PLAGL1: variants seen among roughly 807,000 people sequenced by gnomAD.
PLAGL1 encodes PLAG1 like zinc finger 1, also known as zinc finger protein PLAGL1.
Under a neutral mutation model 4.6 loss-of-function variants are expected in PLAGL1, and 1 was observed. The observed-to-expected ratio is 0.22, with a 90% confidence interval of 0.08 to 1.03. PLAGL1 has a LOEUF of 1.03. PLAGL1 is among the 50% of genes least tolerant of loss of function. The probability of loss-of-function intolerance (pLI) is 0.58; values close to 1 mark genes in which losing one functional copy is unlikely to be tolerated. For missense variants in PLAGL1, 464 were observed against 570.4 expected (o/e 0.81, Z 1.90); for synonymous variants, 240 against 237.8 (o/e 1.01, Z -0.08).
At chr6:144,019,137 C>T (rs1176084790) in intron 1 of PLAGL1, among the ~76,000 whole-genome samples, 3 of 152,136 alleles carry the variant, frequency 2.0e-5, no homozygotes, top group Non-Finnish European at 4.4e-5. Flanking sequence ...AACCACTAAA[C>T]TGAATGCAAT....
At chr6:144,047,097 T>A (rs1798215520) in intron 1 of PLAGL1, among the ~76,000 whole-genome samples, 1 of 152,184 alleles carries the variant, frequency 6.6e-6, no homozygotes, top group Admixed American at 6.5e-5. Context: ...CCAGGTACAG[T>A]CTGTCACAGC....
In PLAGL1 at chr6:143,970,639, G is replaced by T. The variant is rs746236684; in HGVS notation, c.-543-1661C>A. Among the ~76,000 whole-genome samples the T allele has an allele frequency of 6.6e-5, 10 of 152,076 alleles. No individual in the cohort carries two copies. The highest frequency in any genetic ancestry group is 1.5e-4 in the Non-Finnish European group (10 of 68,000). ...AAACTGTCTAAGAGGGAAATATCTG[G>T]TATTTTTCTACTAGGAAGTTAGCTT... On this transcript the variant is annotated intron_variant, in intron 2 of 7. Coordinates refer to ENST00000674357, the MANE Select transcript of PLAGL1 (RefSeq NM_001317162.2). This position sits in a 1 kb window ranked among gnomAD's most constrained non-coding sequence, Gnocchi z 5.8.
chr6:143,997,642 T>C lies in PLAGL1; in HGVS notation c.-584+10448A>G, dbSNP rs1791945803. Among the ~76,000 whole-genome samples, 1 of 152,148 alleles carries C rather than the reference T, an allele frequency of 6.6e-6. No homozygotes were observed. Among genetic ancestry groups the C allele is most frequent in the Non-Finnish European group, 1.5e-5 (1 of 68,020 alleles). ...GCTGTGAACTGTCATCCTGTCATCA[T>C]GCAATCACACTCCAGCCTGGGTGGC... On this transcript the variant is annotated intron_variant, in intron 1 of 7. Coordinates refer to ENST00000674357, the MANE Select transcript of PLAGL1 (RefSeq NM_001317162.2). This position sits in a 1 kb window ranked among gnomAD's most constrained non-coding sequence, Gnocchi z 4.6.
In PLAGL1 at chr6:144,039,597, C is replaced by T. The variant is rs1377071457; in HGVS notation, c.-151+24871G>A. Among the ~76,000 whole-genome samples, 1 of 151,888 alleles carries T rather than the reference C, an allele frequency of 6.6e-6. No individual in the cohort carries two copies. The highest frequency in any genetic ancestry group is 2.4e-5 in the African/African-American group (1 of 41,356). On this transcript the variant is annotated intron_variant, in intron 1 of 3. Coordinates refer to the PLAGL1 transcript ENST00000437412. This position sits in a 1 kb window ranked among gnomAD's most constrained non-coding sequence, Gnocchi z 4.1. ...TGAGACTGTGTCTCAAAAATAAAAT[C>T]AAATAAAATATCACATGCCATTTTA...
intron 7 of PLAGL1, among the ~76,000 whole-genome samples, chr6:143,944,770 T>A (rs1449914259): frequency 6.9e-6 from 1 of 144,236 alleles, no homozygotes; most frequent in Non-Finnish European, 1.5e-5. Context: ...GCTTACACAC[T>A]CAGTATTTAA....
chr6:143,969,531 T>C (rs953834363), intron 2 of PLAGL1, among the ~76,000 whole-genome samples: 2 of 151,638 alleles, frequency 1.3e-5, no homozygotes, highest in East Asian at 3.9e-4. Flanking sequence ...ACACTTGTAA[T>C]CCCAGCATTT....
rs538566570 is a variant in PLAGL1 at position 143,949,536 on chromosome 6, C to A, written c.-324-1076G>T. ...TGGACTCTGACAGCAGGTTTCAAAT[C>A]GGCCTCTACCTGCCACTACCTGCCA... On this transcript the variant is annotated intron_variant, in intron 6 of 7. Coordinates refer to ENST00000674357, the MANE Select transcript of PLAGL1 (RefSeq NM_001317162.2). This position sits in a 1 kb window ranked among gnomAD's most constrained non-coding sequence, Gnocchi z 5.3. Among the ~76,000 whole-genome samples, 8 of 152,202 alleles carry A rather than the reference C, an allele frequency of 5.3e-5. No individual in the cohort carries two copies. The highest frequency in any genetic ancestry group is 1.9e-4 in the African/African-American group (8 of 41,450).
chr6:144,020,610 T>G (rs1192085972), intron 1 of PLAGL1, among the ~76,000 whole-genome samples: 1 of 151,424 alleles, frequency 6.6e-6, no homozygotes, highest in Non-Finnish European at 1.5e-5. Flanking sequence ...AATGTTAATT[T>G]TATTCATTTA....
chr6:143,992,981 C>CA (rs1258402164), intron 1 of PLAGL1, among the ~76,000 whole-genome samples: 3 of 143,622 alleles, frequency 2.1e-5, no homozygotes, highest in Non-Finnish European at 3.0e-5. Flanking sequence ...GACTCCATCT[C>CA]AAAAAAACAA....
chr6:143,970,278 G>GT lies in PLAGL1; in HGVS notation c.-543-1301dup, dbSNP rs2128579207. On this transcript the variant is annotated intron_variant, in intron 2 of 7. Coordinates refer to ENST00000674357, the MANE Select transcript of PLAGL1 (RefSeq NM_001317162.2). The surrounding 1 kb of genome is among the most constrained non-coding windows in gnomAD (Gnocchi z 5.8). ...TTTGGGTTTTTCCTCCTGAATTGAG[G>GT]TTTTTCCTTGCAGAAAAATGTCTCA... 6.6e-6 allele frequency among the ~76,000 whole-genome samples: 1 copy of GT among 152,278 alleles called. No individual in the cohort carries two copies. The highest frequency in any genetic ancestry group is 2.4e-5 in the African/African-American group (1 of 41,550).
At chr6:144,054,776 AGTGTGTGTGTGTGTGTGTGTGT>A (rs55975441) in intron 1 of PLAGL1, among the ~76,000 whole-genome samples, 5 of 142,184 alleles carry the variant, frequency 3.5e-5, no homozygotes, top group South Asian at 2.3e-4. Flanking sequence ...ACTAAAAAAG[AGTGTGTGTGTGTGTGTGTGTGT>A]GTGTGTGTGT....
rs1791265537 is a variant in PLAGL1, at chr6:143,994,728, T to A, written c.-583-9554A>T. 6.6e-6 allele frequency among the ~76,000 whole-genome samples: 1 copy of A among 152,198 alleles called. No individual in the cohort carries two copies. Among genetic ancestry groups the A allele is most frequent in the African/African-American group, 2.4e-5 (1 of 41,446 alleles). ...CAAATGTGTCCTCAAAATTCAAATG[T>A]TGAAAACCCAAACCCTAATGTGACT... On this transcript the variant is annotated intron_variant, in intron 1 of 7. Transcript: ENST00000674357. This position sits in a 1 kb window ranked among gnomAD's most constrained non-coding sequence, Gnocchi z 4.3.
Position 143,942,147 on chromosome 6 carries a change from G to T in PLAGL1, c.669C>A (p.Ser223Arg), listed in dbSNP as rs1233325696. 2 of 1,614,192 alleles carry T rather than the reference G, an allele frequency of 1.2e-6. No homozygotes were observed. Among genetic ancestry groups the T allele is most frequent in the South Asian group, 2.2e-5 (2 of 91,080 alleles). The part of the protein sequence containing the change: ...KESLQTGDLL[S>R]TFHTISPSFQ... ...ATGAAGGCGAGATGGTGTGGAAGGT[G>T]CTCAGAAGGTCTCCGGTCTGCAAGC... Residue 223 changes from serine (S) to arginine (R), a missense_variant, in exon 8 of 8, where the codon AGC becomes AGA. Around this residue, in one of 4 missense-constraint regions of PLAGL1, gnomAD observed 248 missense variants for 250.1 expected, o/e 0.99. Coordinates refer to ENST00000674357, the MANE Select transcript of PLAGL1 (RefSeq NM_001317162.2). This position sits in a 1 kb window ranked among gnomAD's most constrained non-coding sequence, Gnocchi z 7.6.
Position 144,049,880 on chromosome 6 carries a change from T to G in PLAGL1, c.-151+14588A>C, listed in dbSNP as rs559872595. ...AAGCCAAGGTTTTTATCCTTCGTGC[T>G]GCGTAGCTTCTGATCATGAGGGAGA... On this transcript the variant is annotated intron_variant, in intron 1 of 3. Transcript: ENST00000437412. Among the ~76,000 whole-genome samples, 11 of 152,316 alleles carry G rather than the reference T, an allele frequency of 7.2e-5. No homozygotes were observed. The South Asian group carries it at 2.3e-3, about 32-fold the overall frequency.
chr6:144,008,921 G>C (rs1033057901), upstream of PLAGL1: 1 of 152,134 alleles, frequency 6.6e-6, no homozygotes, highest in African/African-American at 2.4e-5. The surrounding 1 kb of genome is among the most constrained non-coding windows in gnomAD (Gnocchi z 6.9). Context: ...TTCTAATTAC[G>C]GTATCACACT....
Position 143,941,953 on chromosome 6 carries a change from G to A in PLAGL1, c.863C>T (p.Ser288Leu), listed in dbSNP as rs749708141. 5.0e-6 allele frequency: 8 copies of A among 1,601,194 alleles called. No homozygotes were observed. Among genetic ancestry groups the A allele is most frequent in the Admixed American group, 1.7e-5 (1 of 59,396 alleles). Residue 288 changes from serine (S) to leucine (L), a missense_variant, in exon 8 of 8, where the codon TCG becomes TTG. Around this residue, in one of 4 missense-constraint regions of PLAGL1, gnomAD observed 248 missense variants for 250.1 expected, o/e 0.99. Transcript: ENST00000674357. The surrounding 1 kb of genome is among the most constrained non-coding windows in gnomAD (Gnocchi z 6.0). ...TGGCGGAGGAGAGCCAGGGGATACC[G>A]AGGGGTGGAGGGAGGCCAGGGACTC... ...LPESLASLHPSVSPGSPPPPL... is the reference protein window; with the variant it reads ...LPESLASLHPLVSPGSPPPPL...
chr6:144,035,438 G>A lies in PLAGL1; in HGVS notation c.-151+29030C>T, dbSNP rs142086711. Among the ~76,000 whole-genome samples, 1,476 of 152,268 alleles carry A rather than the reference G, an allele frequency of 9.7e-3. 11 individuals are homozygous for A. The highest frequency in any genetic ancestry group is 0.024 in the Middle Eastern group (7 of 292). ...CTAGCACGGGAGAAAGATGAAGGCC[G>A]GAAGACTCAGCAAATCTGCCCTCCC... On this transcript the variant is annotated intron_variant, in intron 1 of 3. Coordinates refer to the PLAGL1 transcript ENST00000437412.
chr6:143,960,656 A>G lies in PLAGL1; in HGVS notation c.-398-114T>C, dbSNP rs911398029. ...CACACACACGACTGGCGATGTGCAC[A>G]GGAGATTTTCTAGTGTTTTTTCATG... On this transcript the variant is annotated intron_variant, in intron 5 of 7. Coordinates refer to ENST00000674357, the MANE Select transcript of PLAGL1 (RefSeq NM_001317162.2). The surrounding 1 kb of genome is among the most constrained non-coding windows in gnomAD (Gnocchi z 5.7). The G allele has an allele frequency of 2.0e-5, 3 of 152,232 alleles. No homozygotes were observed. The highest frequency in any genetic ancestry group is 4.4e-5 in the Non-Finnish European group (3 of 68,028). 9.4% of individuals were successfully genotyped at this position (152,232 alleles called of 1,614,324 possible).
In PLAGL1 at chr6:144,053,414, G is replaced by A. The variant is rs763855978; in HGVS notation, c.-151+11054C>T. Among the ~76,000 whole-genome samples, 6 of 152,164 alleles carry A rather than the reference G, an allele frequency of 3.9e-5. No homozygotes were observed. The highest frequency in any genetic ancestry group is 8.8e-5 in the Non-Finnish European group (6 of 68,022). ...CTCCCAAATTGCTGGTGTTACAGGC[G>A]TGAGCCACCACACCCGGCCTAATTA... On this transcript the variant is annotated intron_variant, in intron 1 of 3. Transcript: ENST00000437412. This position sits in a 1 kb window ranked among gnomAD's most constrained non-coding sequence, Gnocchi z 4.0.
Sources: gnomAD v4.1 joint callset for allele counts (sites outside exome capture counted in the v4.1 genomes callset) on GRCh38, gnomAD v4.1.1 for gene constraint, gnomAD v4.1.1 regional missense constraint, Gnocchi (gnomAD v3.1) non-coding constraint, MANE v1.5 for transcripts, NCBI Gene and HGNC (gene_info 2026-07-23, HGNC 2026-07-21) for gene names.